LIPA: variants seen among roughly 807,000 people sequenced by gnomAD.
The protein encoded by LIPA is lysosomal acid lipase/cholesteryl ester hydrolase.
In LIPA, 26 loss-of-function variants were observed where a neutral mutation model predicts 40.6. That is an observed-to-expected ratio of 0.64 (90% CI 0.47 to 0.89). LIPA has a LOEUF of 0.89. Among genes scored for constraint, LIPA ranks in the 40% least tolerant of loss-of-function variants. LIPA has a pLI of 0.00. For missense variants in LIPA, 455 were observed against 479.6 expected (o/e 0.95, Z 0.48); for synonymous variants, 188 against 168.4 (o/e 1.12, Z -0.90).
chr10:89,279,700 G>T (rs571057711), intron 1 of LIPA, among the ~76,000 whole-genome samples: 2 of 152,300 alleles, frequency 1.3e-5, no homozygotes, highest in African/African-American at 4.8e-5. Flanking sequence ...TCCCAGAGGG[G>T]TAACAGAATT....
intron 1 of LIPA, among the ~76,000 whole-genome samples, chr10:89,329,132 G>A (rs1564787281): frequency 6.6e-6 from 1 of 152,148 alleles, no homozygotes; most frequent in South Asian, 2.1e-4. Context: ...GGAGTGAGGA[G>A]GTGATTGCCA....
intron 2 of LIPA, among the ~76,000 whole-genome samples, chr10:89,395,593 G>A (rs1256084227): frequency 1.3e-5 from 2 of 152,058 alleles, no homozygotes; most frequent in Non-Finnish European, 2.9e-5. Context: ...CTAAACACAG[G>A]TCAGGCAAGA....
In LIPA at chr10:89,367,925, C is replaced by T. The variant is rs566572046; in HGVS notation, c.61+44866G>A. Among the ~76,000 whole-genome samples, 40 of 152,196 alleles carry T rather than the reference C, an allele frequency of 2.6e-4. 1 individual carries two copies. The highest frequency in any genetic ancestry group is 1.5e-3 in the East Asian group (8 of 5,182). ...CCTCGAACTCTTGGGTTCAAGCAAT[C>T]GTTCCACCCCAGCCTTCCAATTAGC... On this transcript the variant is annotated intron_variant, in intron 2 of 8. Transcript: ENST00000371837.
chr10:89,405,775 A>G (rs1564813063), intron 2 of LIPA: 1 of 152,242 alleles, frequency 6.6e-6, no homozygotes, highest in Admixed American at 6.5e-5. Context: ...GTCCACCTGC[A>G]TAATCCAGAA....
At chr10:89,376,548 G>A (rs1035712073) in intron 2 of LIPA, among the ~76,000 whole-genome samples, 31 of 152,172 alleles carry the variant, frequency 2.0e-4, no homozygotes, top group Non-Finnish European at 3.7e-4. Context: ...GAGAAGAGCT[G>A]CCCCAGACAT....
At chr10:89,275,505 A>C (rs1194280149) in intron 1 of LIPA, among the ~76,000 whole-genome samples, 2 of 151,902 alleles carry the variant, frequency 1.3e-5, no homozygotes, top group Non-Finnish European at 2.9e-5. Context: ...CATTTTTTCC[A>C]CCTGCCTTAT....
intron 1 of LIPA, chr10:89,308,272 T>C (rs570768040): frequency 6.6e-6 from 1 of 152,274 alleles, no homozygotes; most frequent in African/African-American, 2.4e-5. Flanking sequence ...TCTTTGTAGA[T>C]TGTAATCGAA....
intron 1 of LIPA, among the ~76,000 whole-genome samples, chr10:89,299,212 A>G (rs754223092): frequency 6.6e-6 from 1 of 151,812 alleles, no homozygotes; most frequent in Non-Finnish European, 1.5e-5. Flanking sequence ...CAAAATATAC[A>G]AGAAGCTTCA....
At chr10:89,328,022 A>C (rs1589602314) in intron 1 of LIPA, 2 of 1,611,956 alleles carry the variant, frequency 1.2e-6, no homozygotes, top group African/African-American at 2.7e-5. Flanking sequence ...TCTGAAGAAC[A>C]AATCAGCCTG....
chr10:89,333,359 T>C (rs1270082759), intron 1 of LIPA, among the ~76,000 whole-genome samples: 1 of 149,910 alleles, frequency 6.7e-6, no homozygotes, highest in Non-Finnish European at 1.5e-5. Context: ...GAAACAAACA[T>C]ATATTTAAAG....
chr10:89,373,334 CAAAA>C (rs34479360), intron 2 of LIPA, among the ~76,000 whole-genome samples: 3 of 63,150 alleles, frequency 4.8e-5, no homozygotes, highest in African/African-American at 1.2e-4. Flanking sequence ...GACTCCCTCT[CAAAA>C]AAAAAAAAAA....
chr10:89,292,605 T>C (rs1311747774), intron 1 of LIPA: 1 of 152,212 alleles, frequency 6.6e-6, no homozygotes, highest in African/African-American at 2.4e-5. Flanking sequence ...CAGAGCTTTA[T>C]ACATAGTAGT....
chr10:89,331,612 C>T (rs1482111383), intron 1 of LIPA, among the ~76,000 whole-genome samples: 1 of 152,154 alleles, frequency 6.6e-6, no homozygotes, highest in African/African-American at 2.4e-5. Context: ...ATAAGCCCAA[C>T]ACTTTGGGAG....
chr10:89,245,752 G>A lies in LIPA; in HGVS notation c.153C>T (p.Tyr51=). The part of the protein sequence containing the change: ...ISYWGFPSEE[Y]LVETEDGYIL... ...TATATCCATCTTCTGTCTCAACTAGGTATTCCTCACTAGGGAATCCCCAGT... is the reference window on the plus strand; with the variant it reads ...TATATCCATCTTCTGTCTCAACTAGATATTCCTCACTAGGGAATCCCCAGT... The change falls in exon 3 of 10, where the codon TAC becomes TAT. Residue 51 remains tyrosine, a synonymous_variant. Transcript: ENST00000336233. 1 of 1,602,806 alleles carries A rather than the reference G, an allele frequency of 6.2e-7. No individual in the cohort carries two copies. Among genetic ancestry groups the A allele is most frequent in the Non-Finnish European group, 8.5e-7 (1 of 1,169,782 alleles).
chr10:89,298,997 TA>T (rs991950837), intron 1 of LIPA, among the ~76,000 whole-genome samples: 4 of 149,972 alleles, frequency 2.7e-5, no homozygotes, highest in African/African-American at 7.4e-5. Context: ...AAATAAAAAA[TA>T]AAAAAATAAT....
At chr10:89,396,049 C>A (rs561877151) in intron 2 of LIPA, among the ~76,000 whole-genome samples, 1 of 152,096 alleles carries the variant, frequency 6.6e-6, no homozygotes, top group Admixed American at 6.5e-5. Context: ...CATCTGTGTG[C>A]AAGTTTTTAT....
chr10:89,335,664 T>C (rs1843726245), intron 1 of LIPA: 1 of 120,674 alleles, frequency 8.3e-6, no homozygotes, highest in Non-Finnish European at 1.7e-5. Flanking sequence ...GCAGGTCCAC[T>C]GGATACTCTC....
intron 2 of LIPA, among the ~76,000 whole-genome samples, chr10:89,370,910 C>T (rs998852798): frequency 1.3e-5 from 2 of 152,130 alleles, no homozygotes; most frequent in Non-Finnish European, 1.5e-5. Flanking sequence ...CCCAGCTACT[C>T]GGGAGGCTGA....
intron 1 of LIPA, chr10:89,307,965 G>A: frequency 6.5e-6 from 1 of 152,960 alleles, no homozygotes; most frequent in Admixed American, 6.5e-5. Context: ...GATTAATTGA[G>A]GTGGCAACAT....
Sources: gnomAD v4.1 joint callset for allele counts (sites outside exome capture counted in the v4.1 genomes callset) on GRCh38, gnomAD v4.1.1 for gene constraint, MANE v1.5 for transcripts, NCBI Gene and HGNC (gene_info 2026-07-23, HGNC 2026-07-21) for gene names.